Variants in BTBD16 observed in about 807,000 individuals in gnomAD.
BTBD16 encodes BTB domain containing 16.
Under a neutral mutation model 67.4 loss-of-function variants are expected in BTBD16, and 66 were observed. That is an observed-to-expected ratio of 0.98 (90% CI 0.80 to 1.20). The LOEUF is 1.20. BTBD16 is among the 50% of genes most tolerant of loss of function. BTBD16 has a pLI of 0.00. For missense variants in BTBD16, 634 were observed against 616.0 expected (o/e 1.03, Z -0.31); for synonymous variants, 242 against 236.4 (o/e 1.02, Z -0.22).
At chr10:122,301,110 C>G (rs1375584253) in intron 9 of BTBD16, among the ~76,000 whole-genome samples, 1 of 152,260 alleles carries the variant, frequency 6.6e-6, no homozygotes, top group African/African-American at 2.4e-5. Context: ...CTCTGCTTTT[C>G]CCCACTCAGG....
intron 10 of BTBD16, among the ~76,000 whole-genome samples, chr10:122,317,067 G>A (rs1022775129): frequency 2.0e-5 from 3 of 152,154 alleles, no homozygotes; most frequent in Non-Finnish European, 4.4e-5. Context: ...GGGATTACAG[G>A]CGTGAGTCAC....
At chr10:122,299,199 G>A (rs2096389544) in intron 9 of BTBD16, 65 bp downstream of exon 9, 2 of 1,575,352 alleles carry the variant, frequency 1.3e-6, no homozygotes, top group Non-Finnish European at 1.7e-6. Flanking sequence ...GGCCAGGCTG[G>A]GGAGGGAGGT....
intron 7 of BTBD16, among the ~76,000 whole-genome samples, chr10:122,294,561 C>T (rs563873789): frequency 2.6e-5 from 4 of 152,260 alleles, no homozygotes; most frequent in East Asian, 1.9e-4. Flanking sequence ...TGCACACACA[C>T]GCTCACACAC....
intron 10 of BTBD16, among the ~76,000 whole-genome samples, chr10:122,325,192 GA>G (rs2096442237): frequency 6.6e-6 from 1 of 152,204 alleles, no homozygotes; most frequent in African/African-American, 2.4e-5. Flanking sequence ...TGGGATGATG[GA>G]AATGAGGCTG....
intron 5 of BTBD16, among the ~76,000 whole-genome samples, chr10:122,288,027 C>T (rs2096367045): frequency 6.6e-6 from 1 of 152,190 alleles, no homozygotes; most frequent in Non-Finnish European, 1.5e-5. Flanking sequence ...CCCTCCCTCC[C>T]TCCCTCTCTT....
chr10:122,330,871 G>A (rs2096453958), intron 11 of BTBD16, among the ~76,000 whole-genome samples: 1 of 152,206 alleles, frequency 6.6e-6, no homozygotes. Flanking sequence ...TGGGATTAAA[G>A]ATGTGCACCA....
chr10:122,297,534 T>C (rs2096385520), intron 7 of BTBD16, among the ~76,000 whole-genome samples: 1 of 152,218 alleles, frequency 6.6e-6, no homozygotes, highest in African/African-American at 2.4e-5. Flanking sequence ...GCTATAGGGT[T>C]ACTTTGTTTT....
chr10:122,288,917 G>A (rs1297013897), intron 5 of BTBD16, among the ~76,000 whole-genome samples: 1 of 152,196 alleles, frequency 6.6e-6, no homozygotes, highest in African/African-American at 2.4e-5. Context: ...AATTGGGGCT[G>A]CTAGTGGGGC....
rs540895338 is a variant in BTBD16 at position 122,293,454 on chromosome 10, G to C, written c.590+2260G>C. Among the ~76,000 whole-genome samples the C allele has an allele frequency of 3.3e-5, 5 of 152,302 alleles. No individual in the cohort carries two copies. In the East Asian group the frequency reaches 9.7e-4, roughly 29 times the overall value. On this transcript the variant is annotated intron_variant, in intron 7 of 15. Transcript: ENST00000260723. ...CAGGTGTCTGGACCTCTCTGCAGGG[G>C]ACACACATTGAAGAGGGCCTGGAGT...
chr10:122,321,644 C>T (rs2096435595), intron 10 of BTBD16, among the ~76,000 whole-genome samples: 1 of 152,132 alleles, frequency 6.6e-6, no homozygotes, highest in South Asian at 2.1e-4. Context: ...TTGTTGGCCA[C>T]TTGTATATCT....
intron 11 of BTBD16, among the ~76,000 whole-genome samples, chr10:122,330,157 TTTTGTCCAAG>T (rs1421447544): frequency 1.3e-5 from 2 of 152,054 alleles, no homozygotes; most frequent in African/African-American, 4.8e-5. Context: ...GGCCAGGTAG[TTTTGTCCAAG>T]TTGCTTCTAA....
chr10:122,287,139 G>A (rs1429608348), intron 5 of BTBD16, among the ~76,000 whole-genome samples: 4 of 152,236 alleles, frequency 2.6e-5, no homozygotes, highest in Admixed American at 2.0e-4. Flanking sequence ...TGTGCAGGCA[G>A]TGAGAGCCAG....
chr10:122,313,257 G>GTTTTTTTTT (rs58984425), intron 10 of BTBD16, among the ~76,000 whole-genome samples: 1 of 139,138 alleles, frequency 7.2e-6, no homozygotes, highest in Non-Finnish European at 1.5e-5. Flanking sequence ...AGTTAGTGCT[G>GTTTTTTTTT]TTTTTTTTTT....
intron 13 of BTBD16, among the ~76,000 whole-genome samples, chr10:122,334,596 TCCC>T (rs1243812929): frequency 1.2e-4 from 16 of 133,976 alleles, no homozygotes; most frequent in Admixed American, 6.6e-4. Context: ...AACATCTGCC[TCCC>T]CGATTCAAGT....
intron 9 of BTBD16, among the ~76,000 whole-genome samples, chr10:122,305,586 G>A (rs2096402269): frequency 6.6e-6 from 1 of 152,180 alleles, no homozygotes; most frequent in Admixed American, 6.5e-5. Flanking sequence ...CCAAGCAGAT[G>A]CCAGCATCAT....
At chr10:122,317,579 G>A (rs896964403) in intron 10 of BTBD16, among the ~76,000 whole-genome samples, 31 of 151,924 alleles carry the variant, frequency 2.0e-4, no homozygotes, top group African/African-American at 7.5e-4. Flanking sequence ...CCTGGGAGGC[G>A]GAGCTTGCAG....
rs558064055 is a variant in BTBD16 at position 122,275,562 on chromosome 10, G to A, written c.18+463G>A. Among the ~76,000 whole-genome samples the A allele has an allele frequency of 2.6e-5, 4 of 152,274 alleles. No homozygotes were observed. In the South Asian group the frequency reaches 8.3e-4, roughly 32 times the overall value. On this transcript the variant is annotated intron_variant, in intron 2 of 15. Transcript: ENST00000260723. ...TTACACATGAGAACTGAGAGCCTCA[G>A]AATGTTAAGTAACTTGCTCAAGGTC... is the stretch of plus-strand genomic sequence containing the variant.
chr10:122,333,107 T>C, intron 13 of BTBD16: 1 of 292,740 alleles, frequency 3.4e-6, no homozygotes, highest in Non-Finnish European at 5.1e-6. Flanking sequence ...CCTTTGATTA[T>C]TTCAAGGCAC....
chr10:122,293,723 T>G (rs1237919338), intron 7 of BTBD16, among the ~76,000 whole-genome samples: 2 of 152,218 alleles, frequency 1.3e-5, no homozygotes, highest in Non-Finnish European at 2.9e-5. Context: ...TGTATAACTA[T>G]GAAATCATAG....
Sources: gnomAD v4.1 joint callset for allele counts (sites outside exome capture counted in the v4.1 genomes callset) on GRCh38, gnomAD v4.1.1 for gene constraint, MANE v1.5 for transcripts, NCBI Gene and HGNC (gene_info 2026-07-23, HGNC 2026-07-21) for gene names.